Variants in EBF3 observed in about 807,000 individuals in gnomAD.
EBF3 encodes the protein EBF transcription factor 3.
EBF3 carries 18 observed loss-of-function variants against 77.1 expected under a neutral mutation model. The observed-to-expected ratio is 0.23, with a 90% CI of 0.16 to 0.35. The LOEUF (loss-of-function observed/expected upper bound fraction) is 0.35, where lower values mean the gene tolerates loss of function less well. Ranked by LOEUF, EBF3 falls within the 10% of genes least tolerant of loss-of-function variation. The pLI, the probability that EBF3 is intolerant of heterozygous loss-of-function variation, is 1.00. For synonymous variants in EBF3, 350 were observed against 343.5 expected (o/e 1.02, Z -0.21); for missense variants, 558 against 860.0 (o/e 0.65, Z 4.39).
Position 129,841,914 on chromosome 10 carries a change from G to C in EBF3, c.1372+202C>G, listed in dbSNP as rs1411914326. Among the ~76,000 whole-genome samples, 1 of 152,180 alleles carries C rather than the reference G, an allele frequency of 6.6e-6. No individual in the cohort carries two copies. The highest frequency in any genetic ancestry group is 1.5e-5 in the Non-Finnish European group (1 of 68,030). On this transcript the variant is annotated intron_variant, in intron 13 of 16. Coordinates refer to ENST00000440978, the MANE Select transcript of EBF3 (RefSeq NM_001375380.1). The surrounding 1 kb of genome is among the most constrained non-coding windows in gnomAD (Gnocchi z 4.6). ...TGGAGCTGCCGTTTTTAGTAACTGG[G>C]CTCTCTGAGTGTTCTTACCCCAGCA...
chr10:129,872,644 C>T (rs868825157), intron 8 of EBF3, among the ~76,000 whole-genome samples: 21 of 152,164 alleles, frequency 1.4e-4, no homozygotes, highest in African/African-American at 4.8e-4. Flanking sequence ...CTTAAAAAAA[C>T]ACTCACATTA....
rs537509145 is a variant in EBF3, at chr10:129,960,008, A to G, written c.412-1001T>C. Reference sequence around the variant, plus strand: ...ATGGTGCGAAGCCCTAGGTGCGCTCACGGCCGCGCTCAGCCCGGCTCCGCC... The same window carrying G: ...ATGGTGCGAAGCCCTAGGTGCGCTCGCGGCCGCGCTCAGCCCGGCTCCGCC... On this transcript the variant is annotated intron_variant, in intron 4 of 16. Transcript: ENST00000440978. 5.2e-4 allele frequency among the ~76,000 whole-genome samples: 79 copies of G among 151,970 alleles called. 1 individual carries two copies. In the Middle Eastern group the frequency reaches 0.01, roughly 20 times the overall value.
At chr10:129,919,566 T>TA (rs1241644785) in intron 6 of EBF3, among the ~76,000 whole-genome samples, 1 of 152,040 alleles carries the variant, frequency 6.6e-6, no homozygotes, top group African/African-American at 2.4e-5. Flanking sequence ...GGAGCAGACT[T>TA]AGAAAGCACA....
At chr10:129,918,430 A>G (rs1266175208) in intron 6 of EBF3, among the ~76,000 whole-genome samples, 3 of 152,238 alleles carry the variant, frequency 2.0e-5, no homozygotes, top group African/African-American at 7.2e-5. Flanking sequence ...GAAAAAAATT[A>G]GATCTGGAGG....
intron 11 of EBF3, among the ~76,000 whole-genome samples, chr10:129,846,193 A>AT (rs1471881288): frequency 1.3e-5 from 2 of 149,914 alleles, no homozygotes; most frequent in East Asian, 3.9e-4. Flanking sequence ...AAAATGGGTC[A>AT]TTTTTGATGG....
rs568122865 is a variant in EBF3, at chr10:129,846,052, C to T, written c.1128+2340G>A. Among the ~76,000 whole-genome samples, 68 of 149,710 alleles carry T rather than the reference C, an allele frequency of 4.5e-4. 1 individual carries two copies. The highest frequency in any genetic ancestry group is 1.7e-3 in the African/African-American group (68 of 40,796). On this transcript the variant is annotated intron_variant, in intron 11 of 16. Coordinates refer to ENST00000440978, the MANE Select transcript of EBF3 (RefSeq NM_001375380.1). ...ACTTAGAGACGTCTTCCCTTCCAAT[C>T]TCTATTTTTGCCACATGAGTGCCTC...
intron 16 of EBF3, 54 bp from the exon 17 acceptor site, chr10:129,838,014 G>GC (rs1564810401): frequency 9.9e-6 from 16 of 1,610,138 alleles, no homozygotes; most frequent in Non-Finnish European, 1.4e-5. Context: ...GCGCCCTCCC[G>GC]CCAACGCTGA....
chr10:129,919,654 G>A (rs755963352), intron 6 of EBF3, among the ~76,000 whole-genome samples: 7 of 152,188 alleles, frequency 4.6e-5, no homozygotes, highest in Non-Finnish European at 8.8e-5. Flanking sequence ...CAGCTCAAGT[G>A]TTTATTGACT....
rs1375046844 is a variant in EBF3 at position 129,944,723 on chromosome 10, G to A, written c.554+12535C>T. On this transcript the variant is annotated intron_variant, in intron 6 of 16. Coordinates refer to ENST00000440978, the MANE Select transcript of EBF3 (RefSeq NM_001375380.1). The surrounding 1 kb of genome is among the most constrained non-coding windows in gnomAD (Gnocchi z 5.1). ...ATGCCCCATGAATCTCATTTTATGC[G>A]ATTAAGATCCATAAAAATTCAATAG... 6.6e-6 allele frequency among the ~76,000 whole-genome samples: 1 copy of A among 151,890 alleles called. No individual in the cohort carries two copies. The highest frequency in any genetic ancestry group is 1.5e-5 in the Non-Finnish European group (1 of 67,974).
chr10:129,839,193 A>C lies in EBF3; in HGVS notation c.1762T>G (p.Ser588Ala). The C allele has an allele frequency of 2.4e-6, 3 of 1,261,956 alleles. No homozygotes were observed. Among genetic ancestry groups the C allele is most frequent in the Non-Finnish European group, 3.2e-6 (3 of 950,376 alleles). 78.2% of individuals were successfully genotyped at this position (1,261,956 alleles called of 1,614,324 possible). A position where few individuals can be genotyped will look rare whatever the true frequency, so the allele number is the denominator to read the frequency against. ...GCTACGTCCTCAGCACCCAGCAGAGAGCCTGGTACATAGTAGGTGCTCAGT... is the reference window on the plus strand; with the variant it reads ...GCTACGTCCTCAGCACCCAGCAGAGCGCCTGGTACATAGTAGGTGCTCAGT... ...TSANGNGLQG[S>A]LLGAEDVAAE... The change falls in exon 16 of 17, where the codon TCT (serine) becomes GCT (alanine). Residue 588 changes from serine to alanine, a missense_variant and splice_region_variant. By Grantham distance (99) the Ser-to-Ala change is moderately conservative (BLOSUM62 1). Coordinates refer to ENST00000440978, the MANE Select transcript of EBF3 (RefSeq NM_001375380.1).
At position 129,963,409 on chromosome 10, in the gene EBF3, C is replaced by T; in HGVS notation, c.249G>A (p.Glu83=). 6.3e-7 allele frequency: 1 copy of T among 1,593,080 alleles called. No homozygotes were observed. The highest frequency in any genetic ancestry group is 1.1e-5 in the South Asian group (1 of 88,730). The change falls in exon 2 of 17, where the codon GAG becomes GAA. Residue 83 remains glutamate (E), a synonymous_variant. Transcript: ENST00000440978. This position sits in a 1 kb window ranked among gnomAD's most constrained non-coding sequence, Gnocchi z 7.1. The part of the protein sequence containing the change: ...ALYDRQGQPV[E]IERTAFVDFV... Reference sequence around the variant, plus strand: ...AGTCCACAAAAGCGGTCCTTTCAATCTCCACCGGCTGCCCCTGCCTATCGT... The same window carrying T: ...AGTCCACAAAAGCGGTCCTTTCAATTTCCACCGGCTGCCCCTGCCTATCGT...
Position 129,842,151 on chromosome 10 carries a change from A to G in EBF3, c.1337T>C (p.Val446Ala). ...GGCTTGTGACGTCTCTGACACGTTG[A>G]CGGCTAGCTGGCTGCTGAAGGAGTT... ...GVNSFSSQLA[V>A]NVSETSQAND... is the part of the protein sequence containing the mutation. Residue 446 changes from valine to alanine, a missense_variant, in exon 13 of 17, where the codon GTC (valine) becomes GCC (alanine). Physicochemically the swap from Val to Ala is moderately conservative, Grantham distance 64. Transcript: ENST00000440978. This position sits in a 1 kb window ranked among gnomAD's most constrained non-coding sequence, Gnocchi z 4.4. The G allele has an allele frequency of 6.2e-7, 1 of 1,614,194 alleles. No homozygotes were observed. Among genetic ancestry groups the G allele is most frequent in the South Asian group, 1.1e-5 (1 of 91,076 alleles).
At chr10:129,953,590 C>T (rs1858828718) in intron 6 of EBF3, among the ~76,000 whole-genome samples, 1 of 152,198 alleles carries the variant, frequency 6.6e-6, no homozygotes, top group African/African-American at 2.4e-5. Context: ...GAGTGGGACG[C>T]CGGAGACGGT....
At chr10:129,929,752 A>G (rs895789152) in intron 6 of EBF3, among the ~76,000 whole-genome samples, 1 of 152,214 alleles carries the variant, frequency 6.6e-6, no homozygotes, top group Non-Finnish European at 1.5e-5. Context: ...CACACAAGTG[A>G]TTGTTCTGCA....
At chr10:129,958,854 C>T (rs1859249126) in intron 5 of EBF3, 80 bp downstream of exon 5, 2 of 1,470,316 alleles carry the variant, frequency 1.4e-6, no homozygotes, top group Admixed American at 2.7e-5. Flanking sequence ...GGGGTGGCGG[C>T]GCCTGGACGC....
Position 129,885,246 on chromosome 10 carries a change from T to C in EBF3, c.555-7397A>G, listed in dbSNP as rs970742069. Among the ~76,000 whole-genome samples the C allele has an allele frequency of 6.6e-6, 1 of 152,180 alleles. No individual in the cohort carries two copies. The highest frequency in any genetic ancestry group is 1.5e-5 in the Non-Finnish European group (1 of 68,032). The stretch of plus-strand genomic sequence containing the variant: ...TTAATGGCTTTGCCGGCCAGTTCAA[T>C]ATCCCCTTCCAGAACAGATCCCCGC... On this transcript the variant is annotated intron_variant, in intron 6 of 16. Coordinates refer to ENST00000440978, the MANE Select transcript of EBF3 (RefSeq NM_001375380.1). The surrounding 1 kb of genome is among the most constrained non-coding windows in gnomAD (Gnocchi z 4.0).
chr10:129,961,996 C>T, intron 4 of EBF3, among the ~76,000 whole-genome samples, 175 bp downstream of exon 4: 1 of 152,210 alleles, frequency 6.6e-6, no homozygotes, highest in East Asian at 1.9e-4. Flanking sequence ...ACAACATAAA[C>T]TATTTTACCA....
intron 15 of EBF3, 35 bp from the exon 16 acceptor site, chr10:129,839,230 G>A: frequency 1.0e-6 from 1 of 985,560 alleles, no homozygotes; most frequent in Non-Finnish European, 1.4e-6. Context: ...AATACTGGTT[G>A]AATGGGTTCA....
At chr10:129,843,509 G>A (rs1182241872) in intron 11 of EBF3, 2 of 333,880 alleles carry the variant, frequency 6.0e-6, no homozygotes, top group Non-Finnish European at 1.1e-5. Flanking sequence ...CGTGCCTGAG[G>A]TTTAATGACG....
Sources: allele counts gnomAD v4.1 joint callset (sites outside exome capture counted in the v4.1 genomes callset), GRCh38; gene constraint gnomAD v4.1.1; non-coding constraint Gnocchi (gnomAD v3.1); transcripts MANE v1.5; gene names NCBI Gene and HGNC (gene_info 2026-07-23, HGNC 2026-07-21).